Variants in DSCAM observed in about 807,000 individuals in gnomAD.
The protein encoded by DSCAM is DS cell adhesion molecule, also known as cell adhesion molecule DSCAM.
In DSCAM, 47 loss-of-function variants were observed where a neutral mutation model predicts 217.7. The ratio of observed to expected loss-of-function variants is 0.22; its 90% CI spans 0.17 to 0.28. The LOEUF is 0.28. Among genes scored for constraint, DSCAM ranks in the 10% least tolerant of loss-of-function variants. The probability of loss-of-function intolerance (pLI) is 1.00; values close to 1 mark genes in which losing one functional copy is unlikely to be tolerated. For missense variants in DSCAM, 2,080 were observed against 2,618.3 expected, an observed-to-expected ratio of 0.79 and a Z score of 4.49; for synonymous variants, 1,056 against 1,015.3, an observed-to-expected ratio of 1.04 and a Z score of -0.76.
chr21:40,365,798 C>G (rs765161836), intron 4 of DSCAM, among the ~76,000 whole-genome samples: 4 of 152,178 alleles, frequency 2.6e-5, no homozygotes, highest in African/African-American at 9.7e-5. Context: ...TAGCTCCTAA[C>G]AGCCATGAGC....
chr21:40,495,990 T>C (rs1225405505), intron 3 of DSCAM, among the ~76,000 whole-genome samples: 1 of 152,106 alleles, frequency 6.6e-6, no homozygotes, highest in Non-Finnish European at 1.5e-5. Flanking sequence ...GTGAAAAATC[T>C]GTACACTAAA....
At chr21:40,188,038 T>C in intron 12 of DSCAM, 51 bp from the exon 13 acceptor site, 2 of 1,464,814 alleles carry the variant, frequency 1.4e-6, no homozygotes, top group Non-Finnish European at 1.9e-6. Flanking sequence ...CAAAATGACT[T>C]TGAGCCGTAA....
At chr21:40,814,651 C>A (rs904342312) in intron 1 of DSCAM, among the ~76,000 whole-genome samples, 7 of 152,052 alleles carry the variant, frequency 4.6e-5, no homozygotes, top group African/African-American at 1.2e-4. Flanking sequence ...TGAAGAAGAG[C>A]GGGAAAAGGA....
chr21:40,757,276 C>T (rs1343685845), intron 1 of DSCAM, among the ~76,000 whole-genome samples: 2 of 152,148 alleles, frequency 1.3e-5, no homozygotes, highest in Admixed American at 6.5e-5. Context: ...CCACCCGTCT[C>T]GGCCTCCCAA....
intron 3 of DSCAM, among the ~76,000 whole-genome samples, chr21:40,486,534 G>A (rs1002794753): frequency 6.6e-6 from 1 of 152,006 alleles, no homozygotes; most frequent in African/African-American, 2.4e-5. Flanking sequence ...GGCAGGGGAG[G>A]GAGGGGGAAG....
chr21:40,086,862 A>T (rs2089539301), intron 22 of DSCAM, among the ~76,000 whole-genome samples: 1 of 152,206 alleles, frequency 6.6e-6, no homozygotes. Context: ...AGTTACATGG[A>T]CAATTTACCT....
chr21:40,510,628 T>C (rs2076250965), intron 3 of DSCAM, among the ~76,000 whole-genome samples: 2 of 152,198 alleles, frequency 1.3e-5, no homozygotes, highest in African/African-American at 4.8e-5. Context: ...GGAAGAGAAC[T>C]CCTCACACCA....
rs75186757 is a variant in DSCAM, at chr21:40,228,727, T to G, written c.2357-39489A>C. Reference sequence around the variant, plus strand: ...CTTGGAAGTTCCAAGTTCTTTTATATTCCCTTACCAGTCTTAGAATTAGCG... The same window carrying G: ...CTTGGAAGTTCCAAGTTCTTTTATAGTCCCTTACCAGTCTTAGAATTAGCG... On this transcript the variant is annotated intron_variant, in intron 11 of 32. Coordinates refer to ENST00000400454, the MANE Select transcript of DSCAM (RefSeq NM_001389.5). Among the ~76,000 whole-genome samples, 918 of 152,080 alleles carry G rather than the reference T, an allele frequency of 6.0e-3. 12 individuals carry two copies. The highest frequency in any genetic ancestry group is 0.021 in the African/African-American group (883 of 41,502).
intron 1 of DSCAM, among the ~76,000 whole-genome samples, chr21:40,807,958 G>A (rs1239808427): frequency 6.6e-6 from 1 of 152,162 alleles, no homozygotes; most frequent in Non-Finnish European, 1.5e-5. Flanking sequence ...ACTGTGGTCT[G>A]CTGTCCAGAT....
At chr21:40,617,169 G>C (rs1341588197) in intron 3 of DSCAM, among the ~76,000 whole-genome samples, 1 of 140,858 alleles carries the variant, frequency 7.1e-6, no homozygotes. Context: ...AGTTGCCCAG[G>C]CTGGAGTGCA....
At chr21:40,403,630 CA>C (rs1370318314) in intron 3 of DSCAM, among the ~76,000 whole-genome samples, 1 of 8,904 alleles carries the variant, frequency 1.1e-4, no homozygotes, top group Non-Finnish European at 4.1e-4. Context: ...CATGCATGTG[CA>C]CACACACACA....
At chr21:40,101,561 T>G (rs1163383368) in intron 20 of DSCAM, among the ~76,000 whole-genome samples, 1 of 152,074 alleles carries the variant, frequency 6.6e-6, no homozygotes, top group Non-Finnish European at 1.5e-5. Context: ...ATAAGAAGCA[T>G]GCAGTATAGG....
At position 40,704,604 on chromosome 21, in the gene DSCAM, G is replaced by A. The variant is rs978133292; in HGVS notation, c.361+3850C>T. ...GGTGTGGTGACTTATGCCTGTAGCC[G>A]CAGCTACTTGGGAGGCTGAGGGGAA... On this transcript the variant is annotated intron_variant, in intron 2 of 32. Coordinates refer to ENST00000400454, the MANE Select transcript of DSCAM (RefSeq NM_001389.5). Among the ~76,000 whole-genome samples, 7 of 151,930 alleles carry A rather than the reference G, an allele frequency of 4.6e-5. No homozygotes were observed. In the East Asian group the frequency reaches 5.8e-4, roughly 13 times the overall value.
At chr21:40,792,175 G>T (rs1441600406) in intron 1 of DSCAM, among the ~76,000 whole-genome samples, 1 of 121,996 alleles carries the variant, frequency 8.2e-6, no homozygotes, top group Non-Finnish European at 1.6e-5. Flanking sequence ...GAGTCTCACT[G>T]TTGCCCGGGC....
intron 1 of DSCAM, among the ~76,000 whole-genome samples, chr21:40,830,070 T>C (rs1446408142): frequency 6.6e-6 from 1 of 152,164 alleles, no homozygotes; most frequent in East Asian, 1.9e-4. Context: ...CATTCTTGCA[T>C]TGCTATAAAG....
intron 6 of DSCAM, among the ~76,000 whole-genome samples, chr21:40,345,872 A>G (rs1370598579): frequency 6.6e-6 from 1 of 152,058 alleles, no homozygotes; most frequent in East Asian, 1.9e-4. Context: ...CTGACATGCG[A>G]CAAATAAATC....
At chr21:40,784,318 C>T (rs1050688955) in intron 1 of DSCAM, among the ~76,000 whole-genome samples, 1 of 152,060 alleles carries the variant, frequency 6.6e-6, no homozygotes. Flanking sequence ...TTACCCCTTT[C>T]GCTAGGCTCT....
intron 11 of DSCAM, among the ~76,000 whole-genome samples, chr21:40,221,443 A>G (rs1283121230): frequency 6.7e-6 from 1 of 148,656 alleles, no homozygotes; most frequent in African/African-American, 2.4e-5. Flanking sequence ...TTATTATATA[A>G]ATAACATAAA....
chr21:40,670,530 C>G (rs1037298954), intron 3 of DSCAM, among the ~76,000 whole-genome samples: 3 of 97,520 alleles, frequency 3.1e-5, no homozygotes, highest in African/African-American at 9.7e-5. Context: ...GAGCGAGACT[C>G]CGTCTCAAAA....
Sources: gnomAD v4.1 joint callset for allele counts (sites outside exome capture counted in the v4.1 genomes callset) on GRCh38, gnomAD v4.1.1 for gene constraint, MANE v1.5 for transcripts, NCBI Gene and HGNC (gene_info 2026-07-23, HGNC 2026-07-21) for gene names.